Variants in KIAA1549L observed in about 807,000 individuals in gnomAD.
KIAA1549L encodes UPF0606 protein KIAA1549L.
In KIAA1549L, 88 loss-of-function variants were observed where a neutral mutation model predicts 160.7. That is an observed-to-expected ratio of 0.55 (90% CI 0.46 to 0.65). The LOEUF is 0.65. Among genes scored for constraint, KIAA1549L ranks in the 30% least tolerant of loss-of-function variants. The probability of loss-of-function intolerance (pLI) is 0.00; values close to 1 mark genes in which losing one functional copy is unlikely to be tolerated. For synonymous variants in KIAA1549L, 950 were observed against 976.7 expected (o/e 0.97, Z 0.51); for missense variants, 2,258 against 2,437.5 (o/e 0.93, Z 1.55).
At position 33,652,528 on chromosome 11, in the gene KIAA1549L, A is replaced by ACTG. The variant is rs1851925956; in HGVS notation, c.5761-3481_5761-3479dup. Among the ~76,000 whole-genome samples, 3 of 152,288 alleles carry ACTG rather than the reference A, an allele frequency of 2.0e-5. No homozygotes were observed. In the South Asian group the frequency reaches 6.2e-4, roughly 32 times the overall value. The stretch of plus-strand genomic sequence containing the variant: ...AATTTTTCATCAGTTCTCTTGGTGA[A>ACTG]CTGCTATAGGACATCCACAGACATA... On this transcript the variant is annotated intron_variant, in intron 17 of 20. Coordinates refer to ENST00000658780, the MANE Select transcript of KIAA1549L (RefSeq NM_012194.3).
At chr11:33,528,098 C>T (rs943252279) in intron 1 of KIAA1549L, among the ~76,000 whole-genome samples, 2 of 152,182 alleles carry the variant, frequency 1.3e-5, no homozygotes, top group African/African-American at 4.8e-5. Context: ...GATTGCGAGG[C>T]CTCCCCAGCC....
chr11:33,583,646 G>A (rs1855718813), intron 11 of KIAA1549L, 145 bp downstream of exon 11: 1 of 741,620 alleles, frequency 1.3e-6, no homozygotes, highest in Non-Finnish European at 2.1e-6. Flanking sequence ...CTTCCTTTTA[G>A]TCTCAGGACC....
intron 6 of KIAA1549L, among the ~76,000 whole-genome samples, chr11:33,557,444 G>T (rs1015491209): frequency 3.3e-5 from 5 of 151,988 alleles, no homozygotes; most frequent in Admixed American, 3.3e-4. Flanking sequence ...TGGTACCTTG[G>T]GAAAGAATAT....
intron 1 of KIAA1549L, among the ~76,000 whole-genome samples, chr11:33,518,945 A>G (rs902662149): frequency 2.0e-5 from 3 of 152,192 alleles, no homozygotes; most frequent in Non-Finnish European, 2.9e-5. Flanking sequence ...AGCATATCCT[A>G]TGAGTATCAC....
In KIAA1549L at chr11:33,590,875, G is replaced by A. The variant is rs188481818; in HGVS notation, c.4567-362G>A. On this transcript the variant is annotated intron_variant, in intron 11 of 20. Transcript: ENST00000658780. Reference sequence around the variant, plus strand: ...GACCAAACATTTCTAGGCAGGAGGTGATCCACAGGACCTGTTTAATGTATT... The same window carrying A: ...GACCAAACATTTCTAGGCAGGAGGTAATCCACAGGACCTGTTTAATGTATT... Among the ~76,000 whole-genome samples, 475 of 152,344 alleles carry A rather than the reference G, an allele frequency of 3.1e-3. 3 individuals carry two copies. Among genetic ancestry groups the A allele is most frequent in the Non-Finnish European group, 4.5e-3 (306 of 68,030 alleles).
At chr11:33,664,033 T>C (rs1852356700) in intron 20 of KIAA1549L, among the ~76,000 whole-genome samples, 1 of 152,200 alleles carries the variant, frequency 6.6e-6, no homozygotes, top group African/African-American at 2.4e-5. Flanking sequence ...CCAGCTCATG[T>C]GGCCCAAGGA....
chr11:33,460,492 T>C lies in KIAA1549L; in HGVS notation c.239-81310T>C, dbSNP rs537614081. Among the ~76,000 whole-genome samples, 6 of 152,342 alleles carry C rather than the reference T, an allele frequency of 3.9e-5. No individual in the cohort carries two copies. The South Asian group carries it at 1.2e-3, about 32-fold the overall frequency. Reference sequence around the variant, plus strand: ...GGGTTCCTGGTGTAGCAGAACCATTTACTGGCTTAAGATCACAGAGTGATG... The same window carrying C: ...GGGTTCCTGGTGTAGCAGAACCATTCACTGGCTTAAGATCACAGAGTGATG... On this transcript the variant is annotated intron_variant, in intron 1 of 20. Transcript: ENST00000658780.
At chr11:33,625,027 C>T (rs139596786) in intron 16 of KIAA1549L, among the ~76,000 whole-genome samples, 4,945 of 151,446 alleles carry the variant, frequency 0.033, 201 homozygotes, top group East Asian at 0.19. Flanking sequence ...TTTGTTCTTG[C>T]GATAGTTTAC....
chr11:33,640,713 A>G, intron 16 of KIAA1549L, among the ~76,000 whole-genome samples: 1 of 152,164 alleles, frequency 6.6e-6, no homozygotes, highest in East Asian at 1.9e-4. Context: ...GTAGATTTTA[A>G]TTTTCTTCCT....
intron 15 of KIAA1549L, among the ~76,000 whole-genome samples, chr11:33,610,471 T>G (rs1312748131): frequency 6.6e-6 from 1 of 152,234 alleles, no homozygotes; most frequent in East Asian, 1.9e-4. Flanking sequence ...TCACCTGCTA[T>G]GTATTAGGTA....
At chr11:33,580,263 C>T (rs1855589542) in intron 10 of KIAA1549L, among the ~76,000 whole-genome samples, 1 of 152,132 alleles carries the variant, frequency 6.6e-6, no homozygotes, top group South Asian at 2.1e-4. Flanking sequence ...TACATGGCCA[C>T]CAGACATTTA....
intron 1 of KIAA1549L, among the ~76,000 whole-genome samples, chr11:33,377,187 T>C (rs923620095): frequency 6.6e-6 from 1 of 152,206 alleles, no homozygotes; most frequent in African/African-American, 2.4e-5. Context: ...ACGGGAAATG[T>C]ATCATTAGAA....
intron 1 of KIAA1549L, among the ~76,000 whole-genome samples, chr11:33,462,760 T>C (rs564792545): frequency 6.6e-6 from 1 of 151,284 alleles, no homozygotes; most frequent in South Asian, 2.1e-4. Context: ...TTTCCTTGAT[T>C]CTTAGCTGCA....
rs930015614 is a variant in KIAA1549L, at chr11:33,582,412, G to T, written c.4403-926G>T. On this transcript the variant is annotated intron_variant, in intron 10 of 20. Coordinates refer to ENST00000658780, the MANE Select transcript of KIAA1549L (RefSeq NM_012194.3). ...GTCTGGGCCTCAGTTTTGCCTAGTA[G>T]CCCCCAAGTTCAGCAGGATCAGGAG... Among the ~76,000 whole-genome samples, 3 of 152,130 alleles carry T rather than the reference G, an allele frequency of 2.0e-5. No individual in the cohort carries two copies. The East Asian group carries it at 5.8e-4, about 29-fold the overall frequency.
intron 10 of KIAA1549L, among the ~76,000 whole-genome samples, chr11:33,580,950 G>T (rs1855621702): frequency 6.6e-6 from 1 of 152,330 alleles, no homozygotes; most frequent in East Asian, 1.9e-4. Flanking sequence ...TAACCCTTGA[G>T]TGACCACCTG....
At chr11:33,609,110 A>C (rs1850581355) in intron 14 of KIAA1549L, among the ~76,000 whole-genome samples, 1 of 152,268 alleles carries the variant, frequency 6.6e-6, no homozygotes, top group African/African-American at 2.4e-5. Flanking sequence ...CTGAAAGACC[A>C]GACTGCCTTT....
At chr11:33,510,765 C>T (rs968122461) in intron 1 of KIAA1549L, among the ~76,000 whole-genome samples, 1 of 152,218 alleles carries the variant, frequency 6.6e-6, no homozygotes, top group African/African-American at 2.4e-5. Flanking sequence ...GAGGCAAGTG[C>T]AGAGGCCGCT....
Position 33,389,551 on chromosome 11 carries a change from ATTATC to A in KIAA1549L, c.238+12667_238+12671del, listed in dbSNP as rs573487918. Among the ~76,000 whole-genome samples, 685 of 152,300 alleles carry A rather than the reference ATTATC, an allele frequency of 4.5e-3. 1 individual carries two copies. The highest frequency in any genetic ancestry group is 0.016 in the African/African-American group (659 of 41,564). On this transcript the variant is annotated intron_variant, in intron 1 of 20. Transcript: ENST00000658780. ...GAACTGTCTTTGGCAGTTTCCTGTT[ATTATC>A]TTATTAATACTGGAGATGAACGTAT...
At chr11:33,557,844 G>T (rs772700771) in intron 6 of KIAA1549L, among the ~76,000 whole-genome samples, 1 of 152,086 alleles carries the variant, frequency 6.6e-6, no homozygotes, top group Non-Finnish European at 1.5e-5. Context: ...CTACAATAAG[G>T]TCACTGCACT....
Sources: allele counts gnomAD v4.1 joint callset (sites outside exome capture counted in the v4.1 genomes callset), GRCh38; gene constraint gnomAD v4.1.1; transcripts MANE v1.5; gene names NCBI Gene and HGNC (gene_info 2026-07-23, HGNC 2026-07-21).